NAV3: variants seen among roughly 807,000 people sequenced by gnomAD.
NAV3 encodes pore membrane and/or filament interacting like protein 1.
In NAV3, 87 loss-of-function variants were observed where a neutral mutation model predicts 244.7. The ratio of observed to expected loss-of-function variants is 0.36; its 90% confidence interval spans 0.30 to 0.42. The LOEUF (loss-of-function observed/expected upper bound fraction) is 0.42. Ranked by LOEUF, NAV3 falls within the 20% of genes least tolerant of loss-of-function variation. The pLI, the probability that NAV3 is intolerant of heterozygous loss-of-function variation, is 1.00. For synonymous variants in NAV3, 1,126 were observed against 1,042.2 expected, an observed-to-expected ratio of 1.08 and a Z score of -1.55; for missense variants, 2,663 against 2,893.3, an observed-to-expected ratio of 0.92 and a Z score of 1.83.
intron 7 of NAV3, among the ~76,000 whole-genome samples, chr12:78,003,152 T>C (rs528495220): frequency 1.5e-5 from 1 of 68,564 alleles, no homozygotes; most frequent in Admixed American, 1.7e-4. Context: ...ACTGAGGCAA[T>C]ACACGAGCAA....
intron 1 of NAV3, among the ~76,000 whole-genome samples, chr12:77,902,767 C>T (rs1397612924): frequency 6.6e-6 from 1 of 152,160 alleles, no homozygotes; most frequent in African/African-American, 2.4e-5. Flanking sequence ...CCAAAATCTC[C>T]TTAAGCTGAT....
intron 2 of NAV3, among the ~76,000 whole-genome samples, chr12:77,796,383 A>G (rs1011300324): frequency 6.6e-6 from 1 of 152,228 alleles, no homozygotes; most frequent in Non-Finnish European, 1.5e-5. Context: ...CTGCAATCTC[A>G]TGATAAAACA....
At chr12:78,168,659 A>G (rs1172390555) in intron 23 of NAV3, 96 bp from the exon 24 acceptor site, 1 of 698,468 alleles carries the variant, frequency 1.4e-6, no homozygotes, top group East Asian at 2.8e-5. Flanking sequence ...GGAGGTTGTT[A>G]CTACATAAAA....
intron 2 of NAV3, among the ~76,000 whole-genome samples, chr12:77,611,380 A>C (rs916004971): frequency 2.0e-5 from 3 of 152,022 alleles, no homozygotes; most frequent in Non-Finnish European, 4.4e-5. Flanking sequence ...AAGAAATTAT[A>C]ATTTCAAGTG....
chr12:77,923,196 C>T (rs953974758), intron 1 of NAV3, among the ~76,000 whole-genome samples: 4 of 151,912 alleles, frequency 2.6e-5, no homozygotes, highest in Non-Finnish European at 4.4e-5. Context: ...AAAGGAATGT[C>T]ATAGTGGTAT....
chr12:77,755,511 GCCTTTCCTTTCCTTT>G (rs747905151), intron 2 of NAV3, among the ~76,000 whole-genome samples: 8 of 17,688 alleles, frequency 4.5e-4, no homozygotes, highest in Non-Finnish European at 6.2e-4. Flanking sequence ...CCCTCCCTGT[GCCTTTCCTTTCCTTT>G]CCTTTCCTTT....
At chr12:78,136,731 T>C (rs945112908) in intron 18 of NAV3, among the ~76,000 whole-genome samples, 6 of 152,216 alleles carry the variant, frequency 3.9e-5, no homozygotes, top group African/African-American at 1.4e-4. Context: ...CTGAGAGTAT[T>C]TGCCTGGAAG....
intron 2 of NAV3, among the ~76,000 whole-genome samples, chr12:77,610,740 A>C (rs1870874317): frequency 6.6e-6 from 1 of 152,170 alleles, no homozygotes; most frequent in Middle Eastern, 3.4e-3. Flanking sequence ...TGAAAGAAGC[A>C]AAGTTCTGCT....
intron 2 of NAV3, among the ~76,000 whole-genome samples, chr12:77,724,313 A>G (rs1415849193): frequency 1.3e-5 from 2 of 152,008 alleles, no homozygotes; most frequent in African/African-American, 4.8e-5. Context: ...ATGTTAAAAA[A>G]CTTTCATTCA....
At chr12:78,164,070 T>C (rs1957679435) in intron 23 of NAV3, among the ~76,000 whole-genome samples, 2 of 152,146 alleles carry the variant, frequency 1.3e-5, no homozygotes, top group African/African-American at 4.8e-5. Flanking sequence ...TCCAGCAAAC[T>C]ATATTTTTTA....
At chr12:77,732,568 G>C (rs1180909723) in intron 2 of NAV3, among the ~76,000 whole-genome samples, 1 of 151,938 alleles carries the variant, frequency 6.6e-6, no homozygotes, top group Non-Finnish European at 1.5e-5. Context: ...TTACTGAGAG[G>C]TTATTGCTGA....
At chr12:77,776,452 C>A (rs1870362042) in intron 2 of NAV3, among the ~76,000 whole-genome samples, 1 of 152,136 alleles carries the variant, frequency 6.6e-6, no homozygotes, top group Non-Finnish European at 1.5e-5. Flanking sequence ...AAGGCATAAG[C>A]AAACCTTTTT....
intron 2 of NAV3, among the ~76,000 whole-genome samples, chr12:77,766,617 T>A (rs1869765576): frequency 6.6e-6 from 1 of 152,146 alleles, no homozygotes; most frequent in Non-Finnish European, 1.5e-5. Flanking sequence ...ATCTGACAAG[T>A]CACTTAAATT....
Position 77,913,160 on chromosome 12 carries a change from G to T in NAV3, c.244-27159G>T, listed in dbSNP as rs561131279. Among the ~76,000 whole-genome samples the T allele has an allele frequency of 8.5e-5, 13 of 152,052 alleles. No individual in the cohort carries two copies. The South Asian group carries it at 1.5e-3, about 17-fold the overall frequency. ...CTATATGGTTTTGTGTTACATATAC[G>T]TGTACTTTTACTCCATATCTCATGT... On this transcript the variant is annotated intron_variant, in intron 1 of 39. Coordinates refer to ENST00000397909, the MANE Select transcript of NAV3 (RefSeq NM_001024383.2).
At chr12:77,917,551 C>A (rs1887272147) in intron 1 of NAV3, among the ~76,000 whole-genome samples, 1 of 151,896 alleles carries the variant, frequency 6.6e-6, no homozygotes, top group African/African-American at 2.4e-5. Flanking sequence ...GTGTAACGGT[C>A]CTATTTTCTA....
At chr12:77,697,555 C>G (rs1875365241) in intron 2 of NAV3, among the ~76,000 whole-genome samples, 1 of 152,082 alleles carries the variant, frequency 6.6e-6, no homozygotes, top group South Asian at 2.1e-4. Context: ...CCAGAAATAT[C>G]TTTTTAATTT....
chr12:78,198,502 AT>A (rs1959232906), intron 35 of NAV3, 102 bp from the exon 36 acceptor site: 3 of 602,652 alleles, frequency 5.0e-6, no homozygotes, highest in African/African-American at 4.0e-5. Context: ...AAATATTGAA[AT>A]GGAATAATCC....
At position 77,960,845 on chromosome 12, in the gene NAV3, CAT is replaced by C. The variant is rs1177353492; in HGVS notation, c.415-5381_415-5380del. On this transcript the variant is annotated intron_variant, in intron 3 of 39. Transcript: ENST00000397909. ...ACATGTATGGTATGTGTAATATACA[CAT>C]ATGTATATATTACACACATATAATA... Among the ~76,000 whole-genome samples the C allele has an allele frequency of 3.3e-4, 43 of 131,178 alleles. No individual in the cohort carries two copies. In the East Asian group the frequency reaches 8.2e-3, roughly 25 times the overall value. The allele number at this position is 131,178 out of a possible 152,430, so 86.1% of individuals were successfully genotyped here.
chr12:78,209,165 A>C (rs1005319802), intron 39 of NAV3, among the ~76,000 whole-genome samples: 1 of 152,176 alleles, frequency 6.6e-6, no homozygotes, highest in Admixed American at 6.6e-5. Flanking sequence ...AAATGATTTC[A>C]AATTATGCTG....
Sources: gnomAD v4.1 joint callset for allele counts (sites outside exome capture counted in the v4.1 genomes callset) on GRCh38, gnomAD v4.1.1 for gene constraint, MANE v1.5 for transcripts, NCBI Gene and HGNC (gene_info 2026-07-23, HGNC 2026-07-21) for gene names.